DESI2: variants seen among roughly 807,000 people sequenced by gnomAD.
DESI2 encodes the protein desumoylating isopeptidase 2.
In DESI2, 10 loss-of-function variants were observed where a neutral mutation model predicts 24.1. That is an observed-to-expected ratio of 0.41 (90% confidence interval 0.26 to 0.70). DESI2 has a LOEUF of 0.70. Among genes scored for constraint, DESI2 ranks in the 30% least tolerant of loss-of-function variants. The pLI is 0.29. For synonymous variants in DESI2, 71 were observed against 87.7 expected, an observed-to-expected ratio of 0.81 and a Z score of 1.06; for missense variants, 122 against 234.9, an observed-to-expected ratio of 0.52 and a Z score of 3.14.
In DESI2 at chr1:244,653,278, C is replaced by T. The variant is rs1675523804; in HGVS notation, c.-36C>T. The stretch of plus-strand genomic sequence containing the variant: ...GGCCTCCGGCCCCGCGGAGACGGAG[C>T]GGCTTGAGGACGAGGCGGCGGCCGC... On this transcript the variant is annotated 5_prime_UTR_variant, in exon 1 of 5. Transcript: ENST00000302550. 2.7e-6 allele frequency: 4 copies of T among 1,471,296 alleles called. No homozygotes were observed. The Admixed American group carries it at 8.5e-5, about 31-fold the overall frequency. The allele number at this position is 1,471,296 out of a possible 1,614,324, so 91.1% of individuals were successfully genotyped here. A position where few individuals can be genotyped will look rare whatever the true frequency, so the allele number is the denominator to read the frequency against.
At chr1:244,659,247 A>G (rs541761274) in intron 1 of DESI2, among the ~76,000 whole-genome samples, 27 of 152,288 alleles carry the variant, frequency 1.8e-4, no homozygotes, top group Non-Finnish European at 3.5e-4. Context: ...GTTTCCATAC[A>G]TATGTACATT....
At chr1:244,675,237 G>GCTAT (rs201455130) in intron 1 of DESI2, among the ~76,000 whole-genome samples, 2,224 of 152,002 alleles carry the variant, frequency 0.015, 59 homozygotes, top group African/African-American at 0.051. Flanking sequence ...TTTCTCCCAG[G>GCTAT]CTGTGGTTTC....
chr1:244,684,315 A>C (rs985735088), intron 1 of DESI2, among the ~76,000 whole-genome samples: 1 of 152,236 alleles, frequency 6.6e-6, no homozygotes, highest in African/African-American at 2.4e-5. Context: ...GAATGTATGG[A>C]GCTAAAACTG....
At chr1:244,696,070 T>G (rs1003636417) in intron 4 of DESI2, among the ~76,000 whole-genome samples, 1 of 152,210 alleles carries the variant, frequency 6.6e-6, no homozygotes, top group Non-Finnish European at 1.5e-5. Flanking sequence ...GCACCTGGCC[T>G]AATTTCAATT....
chr1:244,654,902 TAAAC>T (rs1449470334), intron 1 of DESI2, among the ~76,000 whole-genome samples: 4 of 152,196 alleles, frequency 2.6e-5, no homozygotes, highest in Non-Finnish European at 1.5e-5. Context: ...CCTAGATTAT[TAAAC>T]AAACCCGTAT....
rs1677683300 is a variant in DESI2 at position 244,705,962 on chromosome 1, C to T, written c.*173C>T. 1.0e-5 allele frequency: 6 copies of T among 593,884 alleles called. No individual in the cohort carries two copies. In the South Asian group the frequency reaches 1.0e-4, roughly 10 times the overall value. 36.8% of individuals were successfully genotyped at this position (593,884 alleles called of 1,614,324 possible). On this transcript the variant is annotated 3_prime_UTR_variant, in exon 5 of 5. Coordinates refer to ENST00000302550, the MANE Select transcript of DESI2 (RefSeq NM_016076.5). ...ATCAAAAAAAAAAAATCACTTGGCG[C>T]AGGAGGGAGAACTTTGTAAGAAGCT...
intron 1 of DESI2, among the ~76,000 whole-genome samples, chr1:244,661,714 C>T (rs1333259278): frequency 6.6e-6 from 1 of 152,130 alleles, no homozygotes; most frequent in African/African-American, 2.4e-5. Context: ...CCAGCTTCAT[C>T]CATGTCCCTA....
At chr1:244,705,069 C>T (rs967104590) in intron 4 of DESI2, among the ~76,000 whole-genome samples, 3 of 151,896 alleles carry the variant, frequency 2.0e-5, no homozygotes, top group Admixed American at 2.0e-4. Flanking sequence ...AAAATGTAGA[C>T]CAGGAGAAAT....
At chr1:244,694,600 T>C in intron 4 of DESI2, 2 of 846,558 alleles carry the variant, frequency 2.4e-6, no homozygotes, top group Non-Finnish European at 4.1e-6. Context: ...CTCTTGCGCT[T>C]GGCGGGGTAG....
chr1:244,693,161 T>C (rs899049795), intron 4 of DESI2, among the ~76,000 whole-genome samples: 5 of 152,216 alleles, frequency 3.3e-5, no homozygotes, highest in African/African-American at 1.2e-4. Flanking sequence ...AAATGACTTA[T>C]CAAAGAAGAT....
At chr1:244,662,948 T>C (rs954305176) in intron 1 of DESI2, among the ~76,000 whole-genome samples, 1 of 151,956 alleles carries the variant, frequency 6.6e-6, no homozygotes, top group Non-Finnish European at 1.5e-5. Flanking sequence ...TCATTGAAAA[T>C]AGAACAAGCA....
At position 244,658,523 on chromosome 1, in the gene DESI2, C is replaced by T. The variant is rs950564507; in HGVS notation, c.42+5168C>T. 4.6e-5 allele frequency among the ~76,000 whole-genome samples: 7 copies of T among 152,256 alleles called. No individual in the cohort carries two copies. The South Asian group carries it at 6.2e-4, about 14-fold the overall frequency. On this transcript the variant is annotated intron_variant, in intron 1 of 4. Coordinates refer to ENST00000302550, the MANE Select transcript of DESI2 (RefSeq NM_016076.5). ...GTCTCCATTACTGCGTATACTATCC[C>T]GTGCATCCCACCAGACTGTGAGTTC...
rs1463901116 is a variant in DESI2 at position 244,664,022 on chromosome 1, A to G, written c.42+10667A>G. Among the ~76,000 whole-genome samples, 142 of 66,074 alleles carry G rather than the reference A, an allele frequency of 2.1e-3. 1 individual carries two copies. The highest frequency in any genetic ancestry group is 0.015 in the East Asian group (45 of 2,918). The allele number at this position is 66,074 out of a possible 152,430, so 43.3% of individuals were successfully genotyped here. A position where few individuals can be genotyped will look rare whatever the true frequency, so the allele number is the denominator to read the frequency against. On this transcript the variant is annotated intron_variant, in intron 1 of 4. Transcript: ENST00000302550. ...GACAGAGTGAGACTCCGTCTCAGGA[A>G]AAAAAAAAAAAAAAAAAAAAAATTA...
intron 1 of DESI2, among the ~76,000 whole-genome samples, chr1:244,664,589 T>G (rs867772337): frequency 1.3e-5 from 2 of 152,210 alleles, no homozygotes; most frequent in East Asian, 3.8e-4. Flanking sequence ...TTCCAGCTAC[T>G]TAAGGGACTG....
chr1:244,686,181 T>C (rs1297409373), intron 1 of DESI2, among the ~76,000 whole-genome samples: 1 of 152,068 alleles, frequency 6.6e-6, no homozygotes, highest in African/African-American at 2.4e-5. Context: ...TATTTCTGCT[T>C]TCAGGGAGCT....
intron 1 of DESI2, among the ~76,000 whole-genome samples, chr1:244,661,077 C>T (rs1357817580): frequency 1.3e-5 from 2 of 152,168 alleles, no homozygotes; most frequent in Admixed American, 1.3e-4. Flanking sequence ...ATACAATCTA[C>T]TGTGTTAGGT....
rs778719038 is a variant in DESI2 at position 244,686,586 on chromosome 1, T to G, written c.43-11T>G. ...CAGGTATTCTGAATCTTTTCTTTCT[T>G]TTTTTCTCAGTATTGGATGAACGAA... On this transcript the variant is annotated splice_polypyrimidine_tract_variant and intron_variant, in intron 1 of 4. Transcript: ENST00000302550. The G allele has an allele frequency of 3.2e-6, 5 of 1,580,156 alleles. No homozygotes were observed. Among genetic ancestry groups the G allele is most frequent in the South Asian group, 2.2e-5 (2 of 90,322 alleles).
intron 1 of DESI2, among the ~76,000 whole-genome samples, chr1:244,663,438 A>G (rs1178768176): frequency 1.3e-5 from 2 of 151,968 alleles, no homozygotes; most frequent in Non-Finnish European, 2.9e-5. Context: ...AGCCTCCCAA[A>G]GTGCTGGGAT....
chr1:244,674,400 G>A (rs992869552), intron 1 of DESI2, among the ~76,000 whole-genome samples: 1 of 146,780 alleles, frequency 6.8e-6, no homozygotes, highest in African/African-American at 2.5e-5. Context: ...CATTTAAAAT[G>A]TACAATTCAG....
Sources: allele counts gnomAD v4.1 joint callset (sites outside exome capture counted in the v4.1 genomes callset), GRCh38; gene constraint gnomAD v4.1.1; transcripts MANE v1.5; gene names NCBI Gene and HGNC (gene_info 2026-07-23, HGNC 2026-07-21).